The following NRG2 variants were observed in gnomAD, a reference collection of about 807,000 sequenced individuals.
NRG2 encodes pro-neuregulin-2, membrane-bound isoform.
In NRG2, 27 loss-of-function variants were observed where a neutral mutation model predicts 73.9. The observed-to-expected ratio is 0.37, with a 90% CI of 0.27 to 0.50. The LOEUF is 0.50. Among genes scored for constraint, NRG2 ranks in the 20% least tolerant of loss-of-function variants. The probability of loss-of-function intolerance (pLI) is 0.96; values close to 1 mark genes in which losing one functional copy is unlikely to be tolerated. For synonymous variants in NRG2, 532 were observed against 541.0 expected (o/e 0.98, Z 0.23); for missense variants, 1,126 against 1,210.1 (o/e 0.93, Z 1.03).
At chr5:139,873,722 G>T (rs922182800) in intron 3 of NRG2, among the ~76,000 whole-genome samples, 1 of 152,252 alleles carries the variant, frequency 6.6e-6, no homozygotes, top group Non-Finnish European at 1.5e-5. Flanking sequence ...AGTTGCGGGT[G>T]GCACAGACTG....
chr5:139,978,033 G>T (rs1457278123), intron 1 of NRG2, among the ~76,000 whole-genome samples: 1 of 152,110 alleles, frequency 6.6e-6, no homozygotes, highest in African/African-American at 2.4e-5. Context: ...CATAGACATG[G>T]GCAAGGACTT....
At chr5:139,940,594 C>T (rs192131106) in intron 1 of NRG2, among the ~76,000 whole-genome samples, 1 of 152,188 alleles carries the variant, frequency 6.6e-6, no homozygotes, top group Admixed American at 6.5e-5. Flanking sequence ...ATGGAATAGA[C>T]TCCAAAGTTC....
chr5:140,036,565 A>G (rs1309946953), intron 1 of NRG2, among the ~76,000 whole-genome samples: 3 of 152,210 alleles, frequency 2.0e-5, no homozygotes, highest in Admixed American at 6.5e-5. Context: ...TAATTCATCT[A>G]CTTTCCCTAG....
chr5:139,952,797 G>A (rs558796077), intron 1 of NRG2, among the ~76,000 whole-genome samples: 167 of 152,158 alleles, frequency 1.1e-3, no homozygotes, highest in African/African-American at 3.7e-3. Context: ...GTGTATGTGC[G>A]CACGTGTGTA....
chr5:139,937,627 T>C (rs1752942843), intron 1 of NRG2, among the ~76,000 whole-genome samples: 1 of 152,198 alleles, frequency 6.6e-6, no homozygotes, highest in African/African-American at 2.4e-5. Flanking sequence ...GGTCATTATA[T>C]AAAAATCAAA....
At chr5:140,027,888 G>GA (rs34110224) in intron 1 of NRG2, among the ~76,000 whole-genome samples, 4 of 151,938 alleles carry the variant, frequency 2.6e-5, no homozygotes, top group Non-Finnish European at 4.4e-5. Flanking sequence ...CATGTTATGG[G>GA]AAAAAAAGAG....
Position 139,851,890 on chromosome 5 carries a change from G to T in NRG2, c.1545-59C>A. Reference sequence around the variant, plus strand: ...AGGAAGGGGCAGGGCGGCCCAGCAGGTGTGGTCCCATGGACCTCCCTGGCT... The same window carrying T: ...AGGAAGGGGCAGGGCGGCCCAGCAGTTGTGGTCCCATGGACCTCCCTGGCT... On this transcript the variant is annotated intron_variant, in intron 8 of 9. Coordinates refer to ENST00000361474, the MANE Select transcript of NRG2 (RefSeq NM_004883.3). This position sits in a 1 kb window ranked among gnomAD's most constrained non-coding sequence, Gnocchi z 4.2. The T allele has an allele frequency of 3.3e-6, 5 of 1,500,288 alleles. No individual in the cohort carries two copies. Among genetic ancestry groups the T allele is most frequent in the Non-Finnish European group, 4.6e-6 (5 of 1,089,242 alleles). The allele number at this position is 1,500,288 out of a possible 1,614,324, so 92.9% of individuals were successfully genotyped here.
intron 4 of NRG2, among the ~76,000 whole-genome samples, chr5:139,866,053 C>T (rs570270752): frequency 3.9e-5 from 6 of 152,244 alleles, no homozygotes; most frequent in African/African-American, 9.6e-5. Flanking sequence ...CTCCCAGGAC[C>T]GACTGAAGGA....
At chr5:139,863,838 C>T (rs1210415975) in intron 5 of NRG2, among the ~76,000 whole-genome samples, 4 of 152,210 alleles carry the variant, frequency 2.6e-5, no homozygotes, top group Non-Finnish European at 5.9e-5. Flanking sequence ...AGATAGTTGA[C>T]CATCTGGGCC....
intron 1 of NRG2, among the ~76,000 whole-genome samples, chr5:139,993,982 G>A (rs1156910775): frequency 6.6e-6 from 1 of 152,042 alleles, no homozygotes; most frequent in Non-Finnish European, 1.5e-5. Context: ...TTCTTTGACA[G>A]GCACATATTG....
At chr5:139,888,550 A>G (rs950841573) in intron 1 of NRG2, among the ~76,000 whole-genome samples, 4 of 152,158 alleles carry the variant, frequency 2.6e-5, no homozygotes, top group Non-Finnish European at 5.9e-5. Context: ...TGTCTCGGCC[A>G]TTGGTCCTTT....
chr5:139,889,178 G>A (rs1230708363), intron 1 of NRG2, among the ~76,000 whole-genome samples: 1 of 152,126 alleles, frequency 6.6e-6, no homozygotes, highest in African/African-American at 2.4e-5. Context: ...CTTCAGTATC[G>A]TTCTCTAAGT....
At chr5:139,925,456 C>T (rs1429377146) in intron 1 of NRG2, among the ~76,000 whole-genome samples, 1 of 152,214 alleles carries the variant, frequency 6.6e-6, no homozygotes, top group Non-Finnish European at 1.5e-5. Context: ...CTAACAATCC[C>T]AGATCTCGAG....
chr5:140,040,972 TCA>T (rs924291453), intron 1 of NRG2, among the ~76,000 whole-genome samples: 1 of 152,212 alleles, frequency 6.6e-6, no homozygotes, highest in African/African-American at 2.4e-5. Context: ...ATTAAAGTGA[TCA>T]CAGTTTAACA....
chr5:139,919,000 A>AATAAAGTTGAATAAAGTAG (rs1751471091), intron 1 of NRG2, among the ~76,000 whole-genome samples: 1 of 152,210 alleles, frequency 6.6e-6, no homozygotes, highest in Non-Finnish European at 1.5e-5. Flanking sequence ...AGTAGCAAAC[A>AATAAAGTTGAATAAAGTAG]CTGAATAAAG....
chr5:140,027,961 A>G (rs999329151), intron 1 of NRG2, among the ~76,000 whole-genome samples: 1 of 152,252 alleles, frequency 6.6e-6, no homozygotes, highest in Non-Finnish European at 1.5e-5. Context: ...AATCATTCCC[A>G]GGCAATAGGA....
rs769434391 is a variant in NRG2 at position 140,042,544 on chromosome 5, G to T, written c.526C>A (p.Arg176Ser). The T allele has an allele frequency of 3.7e-6, 6 of 1,612,108 alleles. No individual in the cohort carries two copies. Among genetic ancestry groups the T allele is most frequent in the Non-Finnish European group, 5.1e-6 (6 of 1,179,118 alleles). Residue 176 changes from arginine (R) to serine (S), a missense_variant, in exon 1 of 10, where the codon CGC becomes AGC. By Grantham distance (110) the Arg-to-Ser change is moderately radical (BLOSUM62 -1). Around this residue, in one of 3 missense-constraint regions of NRG2, gnomAD observed 539 missense variants for 703.2 expected, o/e 0.77. Transcript: ENST00000361474. ...GAGCCCACGCTGATCACCTGCTCGC[G>T]CTGCAGCCCCCCGCTCCGGAGCGGC... is the stretch of plus-strand genomic sequence containing the variant. ...KWPLRSGGLQ[R>S]EQVISVGSCV...
At chr5:139,935,395 C>A (rs1402890366) in intron 1 of NRG2, among the ~76,000 whole-genome samples, 1 of 152,096 alleles carries the variant, frequency 6.6e-6, no homozygotes, top group African/African-American at 2.4e-5. Flanking sequence ...ATAGGATACT[C>A]CACTGAAAAA....
intron 1 of NRG2, among the ~76,000 whole-genome samples, chr5:140,013,239 T>A (rs1775288108): frequency 6.6e-6 from 1 of 152,180 alleles, no homozygotes; most frequent in Non-Finnish European, 1.5e-5. Flanking sequence ...TTATCCATGA[T>A]CCCAGAGCCA....
Sources: gnomAD v4.1 joint callset for allele counts (sites outside exome capture counted in the v4.1 genomes callset) on GRCh38, gnomAD v4.1.1 for gene constraint, gnomAD v4.1.1 regional missense constraint, Gnocchi (gnomAD v3.1) non-coding constraint, MANE v1.5 for transcripts, NCBI Gene and HGNC (gene_info 2026-07-23, HGNC 2026-07-21) for gene names.